The following SFMBT1 variants were observed in gnomAD, a reference collection of about 807,000 sequenced individuals.
SFMBT1 encodes the protein scm-like with four MBT domains protein 1.
A neutral mutation model predicts 108.7 loss-of-function variants in SFMBT1; 32 were observed. The ratio of observed to expected loss-of-function variants is 0.29; its 90% CI spans 0.22 to 0.40. The LOEUF (loss-of-function observed/expected upper bound fraction) is 0.40. Ranked by LOEUF, SFMBT1 falls within the 10% of genes least tolerant of loss-of-function variation. The pLI is 1.00. For synonymous variants in SFMBT1, 348 were observed against 369.5 expected (o/e 0.94, Z 0.67); for missense variants, 816 against 1,059.6 (o/e 0.77, Z 3.19).
At chr3:52,998,721 C>T (rs1351040678) in intron 1 of SFMBT1, among the ~76,000 whole-genome samples, 1 of 150,750 alleles carries the variant, frequency 6.6e-6, no homozygotes, top group South Asian at 2.1e-4. Flanking sequence ...CCCCAACGAG[C>T]TTGTGATCTC....
chr3:52,991,389 G>C (rs1030694998), intron 1 of SFMBT1, among the ~76,000 whole-genome samples: 2 of 90,662 alleles, frequency 2.2e-5, no homozygotes, highest in African/African-American at 7.0e-5. Flanking sequence ...TTATTGCATA[G>C]GCTGCAGTGC....
intron 3 of SFMBT1, among the ~76,000 whole-genome samples, chr3:52,944,607 C>T (rs182714654): frequency 1.0e-3 from 159 of 152,258 alleles, no homozygotes; most frequent in African/African-American, 3.7e-3. Context: ...GCAACCTCTG[C>T]CTCCTGGGTA....
intron 1 of SFMBT1, among the ~76,000 whole-genome samples, chr3:53,030,831 C>T (rs1213894135): frequency 6.6e-6 from 1 of 151,996 alleles, no homozygotes; most frequent in East Asian, 1.9e-4. Context: ...AAATGCTAAT[C>T]ATATTTTTTA....
At chr3:53,016,600 T>C (rs1699134805) in intron 1 of SFMBT1, among the ~76,000 whole-genome samples, 1 of 152,224 alleles carries the variant, frequency 6.6e-6, no homozygotes, top group Non-Finnish European at 1.5e-5. Context: ...TACTGACCAC[T>C]GGATTCCCTC....
intron 1 of SFMBT1, among the ~76,000 whole-genome samples, chr3:52,974,219 G>C (rs1395826519): frequency 1.3e-5 from 2 of 152,120 alleles, no homozygotes; most frequent in East Asian, 3.8e-4. Flanking sequence ...AATTCCTATT[G>C]AAATGTTTGA....
At chr3:53,027,324 G>A (rs996481894) in intron 1 of SFMBT1, among the ~76,000 whole-genome samples, 2 of 151,708 alleles carry the variant, frequency 1.3e-5, no homozygotes, top group African/African-American at 2.4e-5. Context: ...CATAGTAGAC[G>A]CTTTACACTT....
Position 52,937,676 on chromosome 3 carries a change from G to A in SFMBT1, c.365-2775C>T, listed in dbSNP as rs147929805. On this transcript the variant is annotated intron_variant, in intron 4 of 20. Transcript: ENST00000394752. ...CAGCTCACGGCAACCTCCGCCTCCC[G>A]GGTCCAAGTGGTTCTTCTACCTCAG... Among the ~76,000 whole-genome samples, 1,363 of 151,662 alleles carry A rather than the reference G, an allele frequency of 9.0e-3. 19 individuals carry two copies. Among genetic ancestry groups the A allele is most frequent in the African/African-American group, 0.031 (1,272 of 41,300 alleles).
In SFMBT1 at chr3:52,918,495, C is replaced by T; in HGVS notation, c.1404G>A (p.Gln468=). 1 of 1,557,254 alleles carries T rather than the reference C, an allele frequency of 6.4e-7. No individual in the cohort carries two copies. Among genetic ancestry groups the T allele is most frequent in the Non-Finnish European group, 8.6e-7 (1 of 1,158,642 alleles). Residue 468 remains glutamine, a synonymous_variant, in exon 13 of 21, where the codon CAG becomes CAA. Transcript: ENST00000394752. ...ATTACGTTACTTACTGTTTTTCTGG[C>T]TGAACCACTGCAATTTTCCTCTGTT... The part of the protein sequence containing the change: ...VYKQRKIAVV[Q]PEKQVPSSRT...
In SFMBT1 at chr3:52,905,289, A is replaced by G. The variant is rs1160487746; in HGVS notation, c.2461-13T>C. 1.2e-6 allele frequency: 2 copies of G among 1,610,992 alleles called. No individual in the cohort carries two copies. The highest frequency in any genetic ancestry group is 1.7e-6 in the Non-Finnish European group (2 of 1,178,722). ...GCCCATCAATTTCCTGTTAAAGCAT[A>G]AAAGACAAATTATCTGTGATGTGCA... On this transcript the variant is annotated splice_polypyrimidine_tract_variant and intron_variant, in intron 20 of 20. Coordinates refer to ENST00000394752, the MANE Select transcript of SFMBT1 (RefSeq NM_016329.4).
intron 1 of SFMBT1, among the ~76,000 whole-genome samples, chr3:53,011,913 T>C (rs1698957397): frequency 6.6e-6 from 1 of 152,036 alleles, no homozygotes; most frequent in Non-Finnish European, 1.5e-5. Context: ...GGTTTGCAAG[T>C]CAACTGGCAT....
In SFMBT1 at chr3:53,045,829, T is replaced by TCGCG. The variant is rs1424848065; in HGVS notation, c.-148_-145dup. The TCGCG allele has an allele frequency of 1.3e-5, 2 of 149,106 alleles. No individual in the cohort carries two copies. Among genetic ancestry groups the TCGCG allele is most frequent in the African/African-American group, 4.9e-5 (2 of 40,594 alleles). 9.2% of individuals were successfully genotyped at this position (149,106 alleles called of 1,614,324 possible). A position where few individuals can be genotyped will look rare whatever the true frequency, so the allele number is the denominator to read the frequency against. On this transcript the variant is annotated 5_prime_UTR_variant, in exon 1 of 21. An upstream open reading frame in the 5' UTR loses its in-frame stop. Coordinates refer to ENST00000394752, the MANE Select transcript of SFMBT1 (RefSeq NM_016329.4). ...CCGCTTTTTTACCTGCCCGGAGTTT[T>TCGCG]CGCGCGCGCGCTCGCTCGATCGCTC...
In SFMBT1 at chr3:52,936,953, T is replaced by C. The variant is rs148692679; in HGVS notation, c.365-2052A>G. 5.7e-3 allele frequency among the ~76,000 whole-genome samples: 833 copies of C among 146,322 alleles called. 4 individuals carry two copies. The highest frequency in any genetic ancestry group is 7.6e-3 in the Non-Finnish European group (511 of 67,090). ...CTGTCCCAGGTTCACGCCATTCTCC[T>C]GCCTCAGCCTCCTGAGTAGCTGGGA... On this transcript the variant is annotated intron_variant, in intron 4 of 20. Coordinates refer to ENST00000394752, the MANE Select transcript of SFMBT1 (RefSeq NM_016329.4).
intron 4 of SFMBT1, among the ~76,000 whole-genome samples, chr3:52,941,550 C>A (rs933158754): frequency 7.8e-6 from 1 of 128,980 alleles, no homozygotes. Context: ...GCTGAGATTG[C>A]GCCATTGCAC....
At chr3:52,918,188 T>G (rs1702417694) in intron 13 of SFMBT1, among the ~76,000 whole-genome samples, 1 of 152,230 alleles carries the variant, frequency 6.6e-6, no homozygotes, top group Non-Finnish European at 1.5e-5. Context: ...TTTTTGCTCT[T>G]CCTTAATGAA....
At position 53,041,581 on chromosome 3, in the gene SFMBT1, C is replaced by T. The variant is rs140306168; in HGVS notation, c.-131+4235G>A. ...GGAATGGTGGTGCATGCCCATAATC[C>T]CAGCTACTTGGGAGGCTGAGGCAGG... On this transcript the variant is annotated intron_variant, in intron 1 of 20. Coordinates refer to ENST00000394752, the MANE Select transcript of SFMBT1 (RefSeq NM_016329.4). Among the ~76,000 whole-genome samples the T allele has an allele frequency of 5.1e-4, 77 of 151,890 alleles. 1 individual carries two copies. In the East Asian group the frequency reaches 0.014, roughly 28 times the overall value.
At chr3:52,991,251 C>G (rs558441276) in intron 1 of SFMBT1, among the ~76,000 whole-genome samples, 2 of 152,252 alleles carry the variant, frequency 1.3e-5, no homozygotes, top group South Asian at 4.1e-4. Context: ...TAACAGCTCT[C>G]CATTACCCTA....
At chr3:53,010,586 G>C (rs1698908419) in intron 1 of SFMBT1, among the ~76,000 whole-genome samples, 1 of 152,104 alleles carries the variant, frequency 6.6e-6, no homozygotes, top group South Asian at 2.1e-4. Flanking sequence ...GGTAATTGTG[G>C]AGCCATGTTT....
intron 13 of SFMBT1, 142 bp from the exon 14 acceptor site, chr3:52,916,356 CTTT>C (rs71087030): frequency 0.066 from 22,537 of 340,106 alleles, no homozygotes; most frequent in Middle Eastern, 0.095. Context: ...CTTGATGATA[CTTT>C]TTTTTTTTTT....
At chr3:52,961,150 A>G (rs34313969) in intron 2 of SFMBT1, among the ~76,000 whole-genome samples, 13,750 of 151,500 alleles carry the variant, frequency 0.091, 635 homozygotes, top group African/African-American at 0.099. Flanking sequence ...AAGTTCTGAC[A>G]CATACTACAA....
Sources: allele counts gnomAD v4.1 joint callset (sites outside exome capture counted in the v4.1 genomes callset), GRCh38; gene constraint gnomAD v4.1.1; transcripts MANE v1.5; gene names NCBI Gene and HGNC (gene_info 2026-07-23, HGNC 2026-07-21).